RAB31: variants seen among roughly 807,000 people sequenced by gnomAD.
The protein encoded by RAB31 is RAB31, member RAS oncogene family, also known as ras-related protein Rab-31.
A neutral mutation model predicts 25.6 loss-of-function variants in RAB31; 21 were observed. That is an observed-to-expected ratio of 0.82 (90% CI 0.58 to 1.18). The LOEUF is 1.18. RAB31 is among the 50% of genes most tolerant of loss of function. The pLI is 0.00. For synonymous variants in RAB31, 87 were observed against 84.0 expected, an observed-to-expected ratio of 1.04 and a Z score of -0.20; for missense variants, 196 against 250.1, an observed-to-expected ratio of 0.78 and a Z score of 1.46.
intron 1 of RAB31, among the ~76,000 whole-genome samples, chr18:9,733,526 CCTT>C (rs2068133848): frequency 6.6e-6 from 1 of 152,190 alleles, no homozygotes; most frequent in Admixed American, 6.5e-5. Context: ...CCCAGGTTCT[CCTT>C]CATTCTGCTT....
Position 9,849,380 on chromosome 18 carries a change from C to T in RAB31, c.490+3689C>T, listed in dbSNP as rs931641170. Among the ~76,000 whole-genome samples, 5 of 152,218 alleles carry T rather than the reference C, an allele frequency of 3.3e-5. No homozygotes were observed. In the South Asian group the frequency reaches 6.2e-4, roughly 19 times the overall value. On this transcript the variant is annotated intron_variant, in intron 6 of 6. Transcript: ENST00000578921. ...CGGGGCTTTGAATTTGGATCTCCGTCCTCATCTCATGATATAAAGTGAAAT... is the reference window on the plus strand; with the variant it reads ...CGGGGCTTTGAATTTGGATCTCCGTTCTCATCTCATGATATAAAGTGAAAT...
intron 5 of RAB31, among the ~76,000 whole-genome samples, chr18:9,834,217 G>C (rs991792862): frequency 6.6e-6 from 1 of 152,068 alleles, no homozygotes; most frequent in Non-Finnish European, 1.5e-5. Flanking sequence ...CCAAGTTCAA[G>C]CAAAACTCTT....
chr18:9,786,068 AAG>A (rs889012093), intron 2 of RAB31, among the ~76,000 whole-genome samples: 2 of 152,132 alleles, frequency 1.3e-5, no homozygotes, highest in African/African-American at 2.4e-5. Context: ...GAGAAAGAGA[AAG>A]AGAGTAACAG....
intron 5 of RAB31, among the ~76,000 whole-genome samples, chr18:9,832,657 C>A (rs1361388371): frequency 6.6e-6 from 1 of 152,194 alleles, no homozygotes; most frequent in East Asian, 1.9e-4. Context: ...GCAGTAGGGA[C>A]CACGTGGAGG....
rs368292296 is a variant in RAB31 at position 9,859,935 on chromosome 18, A to G, written c.*610A>G. ...AGAAACTGTTGTCTACACCACTTTT[A>G]ATTGGTGAACAATTTTTCTAAGTTA... On this transcript the variant is annotated 3_prime_UTR_variant, in exon 7 of 7. Coordinates refer to ENST00000578921, the MANE Select transcript of RAB31 (RefSeq NM_006868.4). The G allele has an allele frequency of 3.0e-4, 45 of 152,386 alleles. No homozygotes were observed. The highest frequency in any genetic ancestry group is 1.1e-3 in the African/African-American group (45 of 41,596). The allele number at this position is 152,386 out of a possible 1,614,324, so 9.4% of individuals were successfully genotyped here. A position where few individuals can be genotyped will look rare whatever the true frequency, so the allele number is the denominator to read the frequency against.
At chr18:9,779,889 G>A (rs1254405359) in intron 2 of RAB31, among the ~76,000 whole-genome samples, 3 of 152,178 alleles carry the variant, frequency 2.0e-5, no homozygotes, top group African/African-American at 7.2e-5. Flanking sequence ...AAAAGTTCAT[G>A]TTCGACTGGG....
chr18:9,748,035 T>G (rs1318413653), intron 1 of RAB31, among the ~76,000 whole-genome samples: 3 of 152,240 alleles, frequency 2.0e-5, no homozygotes, highest in Non-Finnish European at 4.4e-5. Flanking sequence ...CCCAGGATTA[T>G]GCACAATTTC....
chr18:9,709,136 A>G (rs1243748528), intron 1 of RAB31, among the ~76,000 whole-genome samples: 7 of 152,090 alleles, frequency 4.6e-5, no homozygotes, highest in Non-Finnish European at 5.9e-5. Flanking sequence ...TCACTCCCCT[A>G]AAGTGGGGTT....
chr18:9,828,413 G>A (rs1358619440), intron 5 of RAB31, among the ~76,000 whole-genome samples: 1 of 152,160 alleles, frequency 6.6e-6, no homozygotes, highest in Admixed American at 6.5e-5. Context: ...CATCCTCCAA[G>A]GAGGCTGTGG....
In RAB31 at chr18:9,724,281, A is replaced by C. The variant is rs946331632; in HGVS notation, c.39+15837A>C. Among the ~76,000 whole-genome samples, 6 of 123,814 alleles carry C rather than the reference A, an allele frequency of 4.8e-5. No homozygotes were observed. The South Asian group carries it at 6.7e-4, about 14-fold the overall frequency. 81.2% of individuals were successfully genotyped at this position (123,814 alleles called of 152,430 possible). A position where few individuals can be genotyped will look rare whatever the true frequency, so the allele number is the denominator to read the frequency against. On this transcript the variant is annotated intron_variant, in intron 1 of 6. Transcript: ENST00000578921. ...GCGAGACTCCGTCTCAAAAAAAAAA[A>C]AAAAAACAAAAAAAAAACATTATTA...
intron 5 of RAB31, among the ~76,000 whole-genome samples, chr18:9,832,420 G>A (rs147616330): frequency 1.3e-5 from 2 of 152,332 alleles, no homozygotes; most frequent in Admixed American, 6.5e-5. Context: ...TTCACAGCAC[G>A]AAGATCATCA....
At chr18:9,719,326 T>TATATATAA (rs2068062222) in intron 1 of RAB31, among the ~76,000 whole-genome samples, 1 of 63,424 alleles carries the variant, frequency 1.6e-5, no homozygotes, top group African/African-American at 6.8e-5. Flanking sequence ...TATATATATA[T>TATATATAA]ATAAATAAAT....
At chr18:9,755,029 T>C (rs1011418234) in intron 1 of RAB31, among the ~76,000 whole-genome samples, 11 of 152,052 alleles carry the variant, frequency 7.2e-5, no homozygotes, top group African/African-American at 2.4e-4. Context: ...ACAGACCAGG[T>C]TTTCCCAACT....
rs796570458 is a variant in RAB31, at chr18:9,860,979, C to A, written c.*1654C>A. Reference sequence around the variant, plus strand: ...AGGTACCTCAAAAACTGTTAGCAAGCGGCATTTGGATGTCTTGACAGGGGC... The same window carrying A: ...AGGTACCTCAAAAACTGTTAGCAAGAGGCATTTGGATGTCTTGACAGGGGC... On this transcript the variant is annotated 3_prime_UTR_variant, in exon 7 of 7. Coordinates refer to ENST00000578921, the MANE Select transcript of RAB31 (RefSeq NM_006868.4). 6.6e-6 allele frequency: 1 copy of A among 151,918 alleles called. No individual in the cohort carries two copies. Among genetic ancestry groups the A allele is most frequent in the African/African-American group, 2.4e-5 (1 of 41,316 alleles). The allele number at this position is 151,918 out of a possible 1,614,324, so 9.4% of individuals were successfully genotyped here. A position where few individuals can be genotyped will look rare whatever the true frequency, so the allele number is the denominator to read the frequency against.
chr18:9,748,664 G>A (rs940725593), intron 1 of RAB31, among the ~76,000 whole-genome samples: 3 of 151,992 alleles, frequency 2.0e-5, no homozygotes, highest in Non-Finnish European at 2.9e-5. Flanking sequence ...AAGTCGAGGC[G>A]GGCGGATCAC....
chr18:9,778,054 G>A (rs894994372), intron 2 of RAB31, among the ~76,000 whole-genome samples: 27 of 152,146 alleles, frequency 1.8e-4, no homozygotes, highest in African/African-American at 6.3e-4. Flanking sequence ...CACCCGGCCT[G>A]TAATGACCTT....
intron 1 of RAB31, chr18:9,774,999 T>G: frequency 3.6e-6 from 2 of 555,592 alleles, no homozygotes; most frequent in South Asian, 3.0e-5. Flanking sequence ...AATACATCCA[T>G]AGTGAACATG....
At chr18:9,816,202 G>T in intron 5 of RAB31, 1 of 203,514 alleles carries the variant, frequency 4.9e-6, no homozygotes, top group Non-Finnish European at 1.1e-5. Flanking sequence ...TGCCCTCAGT[G>T]TAGTAACTTA....
chr18:9,734,932 G>T, intron 1 of RAB31: 1 of 327,524 alleles, frequency 3.1e-6, no homozygotes, highest in South Asian at 2.8e-5. Context: ...CCCTTTCCCA[G>T]AACTTTATAG....
Sources: gnomAD v4.1 joint callset for allele counts (sites outside exome capture counted in the v4.1 genomes callset) on GRCh38, gnomAD v4.1.1 for gene constraint, MANE v1.5 for transcripts, NCBI Gene and HGNC (gene_info 2026-07-23, HGNC 2026-07-21) for gene names.